Variants in NAALAD2 observed in about 807,000 individuals in gnomAD.
NAALAD2 encodes the protein N-acetylated alpha-linked acidic dipeptidase 2, also known as N-acetylated-alpha-linked acidic dipeptidase 2.
NAALAD2 carries 89 observed loss-of-function variants against 95.6 expected under a neutral mutation model. That is an observed-to-expected ratio of 0.93 (90% CI 0.78 to 1.11). The LOEUF (loss-of-function observed/expected upper bound fraction) is 1.11, where lower values mean the gene tolerates loss of function less well. Among genes scored for constraint, NAALAD2 ranks in the 50% least tolerant of loss-of-function variants. The probability of loss-of-function intolerance (pLI) is 0.00; values close to 1 mark genes in which losing one functional copy is unlikely to be tolerated. For missense variants in NAALAD2, 894 were observed against 872.4 expected (o/e 1.02, Z -0.31); for synonymous variants, 264 against 294.4 (o/e 0.90, Z 1.06).
chr11:90,135,392 A>G (rs1951428648), intron 1 of NAALAD2, among the ~76,000 whole-genome samples, 167 bp from the exon 2 acceptor site: 1 of 152,226 alleles, frequency 6.6e-6, no homozygotes, highest in African/African-American at 2.4e-5. Context: ...ATCAGAATTT[A>G]CAGGTTTTCT....
intron 11 of NAALAD2, among the ~76,000 whole-genome samples, chr11:90,168,487 A>G (rs1451947883): frequency 6.6e-6 from 1 of 152,144 alleles, no homozygotes; most frequent in South Asian, 2.1e-4. Flanking sequence ...AGCCTGGGCA[A>G]CAGAGTGAGT....
intron 2 of NAALAD2, among the ~76,000 whole-genome samples, chr11:90,144,410 C>A (rs540426530): frequency 1.3e-5 from 2 of 152,044 alleles, no homozygotes; most frequent in South Asian, 4.2e-4. Context: ...ATAAAACAGC[C>A]GGCATGTGAG....
rs1952656792 is a variant in NAALAD2, at chr11:90,172,046, A to G, written c.1411-1778A>G. Among the ~76,000 whole-genome samples the G allele has an allele frequency of 2.0e-5, 3 of 152,150 alleles. No individual in the cohort carries two copies. The East Asian group carries it at 5.8e-4, about 29-fold the overall frequency. ...GATCTGGATTTTCTAGGCCAACGGG[A>G]CGTGATTTCTGATTGGCACTATTAT... On this transcript the variant is annotated intron_variant, in intron 13 of 18. Transcript: ENST00000534061.
intron 11 of NAALAD2, 78 bp from the exon 12 acceptor site, chr11:90,168,851 G>T: frequency 8.3e-7 from 1 of 1,198,262 alleles, no homozygotes. Flanking sequence ...GCTTTTCCAC[G>T]AAATTAATTT....
chr11:90,154,318 T>C (rs1397046908), intron 6 of NAALAD2, among the ~76,000 whole-genome samples: 1 of 151,968 alleles, frequency 6.6e-6, no homozygotes, highest in African/African-American at 2.4e-5. Flanking sequence ...TGAGGAAGTT[T>C]ACTTCTATCC....
In NAALAD2 at chr11:90,192,882, T is replaced by G. The variant is rs1217214533; in HGVS notation, c.*1135T>G. ...ATTAAAGCTTCAATAAACTTGGTTGTTCATCTACTTCACCAAAACGAGTTA... is the reference window on the plus strand; with the variant it reads ...ATTAAAGCTTCAATAAACTTGGTTGGTCATCTACTTCACCAAAACGAGTTA... On this transcript the variant is annotated 3_prime_UTR_variant, in exon 19 of 19. Transcript: ENST00000534061. 3 of 151,994 alleles carry G rather than the reference T, an allele frequency of 2.0e-5. No homozygotes were observed. Among genetic ancestry groups the G allele is most frequent in the East Asian group, 1.9e-4 (1 of 5,188 alleles). 9.4% of individuals were successfully genotyped at this position (151,994 alleles called of 1,614,324 possible). A position where few individuals can be genotyped will look rare whatever the true frequency, so the allele number is the denominator to read the frequency against.
intron 14 of NAALAD2, among the ~76,000 whole-genome samples, chr11:90,175,188 A>C (rs1243232568): frequency 6.6e-6 from 1 of 152,172 alleles, no homozygotes; most frequent in Non-Finnish European, 1.5e-5. Context: ...TCCTCATTTC[A>C]AATCAGTCTT....
intron 16 of NAALAD2, 77 bp downstream of exon 16, chr11:90,178,194 C>T: frequency 7.1e-7 from 1 of 1,407,440 alleles, no homozygotes; most frequent in Non-Finnish European, 9.6e-7. Context: ...ATGATCAATG[C>T]ATATTGTTTC....
chr11:90,136,450 A>G (rs981439927), intron 2 of NAALAD2, among the ~76,000 whole-genome samples: 1 of 152,100 alleles, frequency 6.6e-6, no homozygotes, highest in Non-Finnish European at 1.5e-5. Context: ...ATCCCCCTCC[A>G]TCTCTGTCAC....
At chr11:90,150,639 G>T in intron 5 of NAALAD2, 32 bp downstream of exon 5, 2 of 1,546,880 alleles carry the variant, frequency 1.3e-6, no homozygotes, top group South Asian at 2.4e-5. Context: ...TACAGAGAAT[G>T]AGAGGATATA....
chr11:90,143,586 T>A (rs1374146917), intron 2 of NAALAD2, among the ~76,000 whole-genome samples: 1 of 152,156 alleles, frequency 6.6e-6, no homozygotes, highest in Admixed American at 6.6e-5. Context: ...TTATGTCTTC[T>A]ATTAATTTAG....
intron 18 of NAALAD2, among the ~76,000 whole-genome samples, chr11:90,183,341 G>C (rs1486386499): frequency 6.6e-6 from 1 of 152,036 alleles, no homozygotes; most frequent in Admixed American, 6.6e-5. Flanking sequence ...CAGATAAATA[G>C]TTATCCAGTC....
chr11:90,178,183 G>A (rs1952859907), intron 16 of NAALAD2, 66 bp downstream of exon 16: 3 of 1,460,224 alleles, frequency 2.1e-6, no homozygotes, highest in Non-Finnish European at 2.8e-6. Context: ...TATCTCCTAT[G>A]ATGATCAATG....
chr11:90,174,290 C>G (rs1164357397), intron 14 of NAALAD2, among the ~76,000 whole-genome samples: 1 of 151,226 alleles, frequency 6.6e-6, no homozygotes, highest in Non-Finnish European at 1.5e-5. Flanking sequence ...GAGATCGTGC[C>G]ATTGCATTCC....
chr11:90,133,884 T>TA (rs1951394309), upstream of NAALAD2, among the ~76,000 whole-genome samples: 1 of 152,118 alleles, frequency 6.6e-6, no homozygotes, highest in Non-Finnish European at 1.5e-5. Context: ...TTTAGGCAGA[T>TA]AAGGGAACTT....
chr11:90,153,097 T>G (rs185504205), intron 6 of NAALAD2, among the ~76,000 whole-genome samples: 19 of 152,306 alleles, frequency 1.2e-4, no homozygotes, highest in African/African-American at 4.6e-4. Context: ...TTTTGAGATC[T>G]GTCCATGTTG....
At position 90,191,925 on chromosome 11, in the gene NAALAD2, T is replaced by G; in HGVS notation, c.*178T>G. 2.6e-6 allele frequency: 1 copy of G among 384,170 alleles called. No homozygotes were observed. Among genetic ancestry groups the G allele is most frequent in the Non-Finnish European group, 4.5e-6 (1 of 222,686 alleles). 23.8% of individuals were successfully genotyped at this position (384,170 alleles called of 1,614,324 possible). ...TTTTTGCTCTTTAAAAGTTAATAATTATATTAGCAAAGTGTTAATCTAATG... is the reference window on the plus strand; with the variant it reads ...TTTTTGCTCTTTAAAAGTTAATAATGATATTAGCAAAGTGTTAATCTAATG... On this transcript the variant is annotated 3_prime_UTR_variant, in exon 19 of 19. Transcript: ENST00000534061.
intron 18 of NAALAD2, among the ~76,000 whole-genome samples, chr11:90,188,859 C>G (rs78660188): frequency 0.044 from 6,767 of 152,136 alleles, 179 homozygotes; most frequent in Non-Finnish European, 0.057. Context: ...AATGAAAGTT[C>G]CACAAAAATT....
At chr11:90,177,586 GTTTTTTTTT>G (rs57694347) in intron 15 of NAALAD2, among the ~76,000 whole-genome samples, 7 of 28,456 alleles carry the variant, frequency 2.5e-4, no homozygotes, top group African/African-American at 8.3e-4. Context: ...TCTTTTTCTT[GTTTTTTTTT>G]TTTTTTTTTT....
Sources: gnomAD v4.1 joint callset for allele counts (sites outside exome capture counted in the v4.1 genomes callset) on GRCh38, gnomAD v4.1.1 for gene constraint, MANE v1.5 for transcripts, NCBI Gene and HGNC (gene_info 2026-07-23, HGNC 2026-07-21) for gene names.